KDM2B: variants seen among roughly 807,000 people sequenced by gnomAD.
The protein encoded by KDM2B is lysine demethylase 2B, also known as lysine-specific demethylase 2B.
Under a neutral mutation model 150.0 loss-of-function variants are expected in KDM2B, and 26 were observed. That is an observed-to-expected ratio of 0.17 (90% CI 0.13 to 0.24). KDM2B has a LOEUF of 0.24. KDM2B is among the 10% of genes least tolerant of loss of function. KDM2B has a pLI of 1.00. For missense variants in KDM2B, 1,265 were observed against 1,816.9 expected (o/e 0.70, Z 5.52); for synonymous variants, 734 against 729.5 (o/e 1.01, Z -0.10).
At chr12:121,570,402 T>G (rs1200183344) in intron 4 of KDM2B, among the ~76,000 whole-genome samples, 1 of 152,056 alleles carries the variant, frequency 6.6e-6, no homozygotes, top group Non-Finnish European at 1.5e-5. Flanking sequence ...CCCAGGCTGG[T>G]CTTGAACTCC....
chr12:121,436,070 A>C (rs1233837808), intron 22 of KDM2B, among the ~76,000 whole-genome samples: 1 of 152,246 alleles, frequency 6.6e-6, no homozygotes, highest in African/African-American at 2.4e-5. Context: ...GGCTCCAAGA[A>C]ACAACTGGCC....
chr12:121,568,715 T>C (rs1051627926), intron 4 of KDM2B, among the ~76,000 whole-genome samples: 20 of 152,134 alleles, frequency 1.3e-4, no homozygotes, highest in African/African-American at 4.1e-4. Context: ...CAGGGGATTC[T>C]GGGTACTGGT....
At chr12:121,416,124 T>C in the KDM2B span, 1 of 1,573,440 alleles carries the variant, frequency 6.4e-7, no homozygotes, top group East Asian at 2.2e-5. Context: ...AGATTCCACT[T>C]AGCTTTAAAC....
chr12:121,543,413 C>T (rs1421154746), intron 6 of KDM2B, among the ~76,000 whole-genome samples: 1 of 151,632 alleles, frequency 6.6e-6, no homozygotes, highest in Non-Finnish European at 1.5e-5. Flanking sequence ...CATGGTGGCT[C>T]ACACCCATAT....
rs968200261 is a variant in KDM2B, at chr12:121,526,625, T to C, written c.932-5525A>G. 2.0e-5 allele frequency among the ~76,000 whole-genome samples: 3 copies of C among 152,040 alleles called. No individual in the cohort carries two copies. In the South Asian group the frequency reaches 6.2e-4, roughly 32 times the overall value. On this transcript the variant is annotated intron_variant, in intron 8 of 22. Transcript: ENST00000377071. ...GTCCCAGCTACCCTAGAGGCTGTGA[T>C]AGGACGATTGTTTAAGCCCAGGAGG...
At chr12:121,427,898 A>C (rs1555284464), downstream of KDM2B, among the ~76,000 whole-genome samples, 1 of 152,198 alleles carries the variant, frequency 6.6e-6, no homozygotes, top group Non-Finnish European at 1.5e-5. Context: ...ACAATGATTA[A>C]CCTTAAAGCA....
chr12:121,440,044 G>A lies in KDM2B; in HGVS notation c.3642C>T (p.Asn1214=). The change falls in exon 22 of 23, where the codon AAC becomes AAT. Residue 1214 remains asparagine, a synonymous_variant. Transcript: ENST00000377071. ...GQMDNRSKLR[N]IVELRLAGLD... ...GGCCTGCCAGGCGCAGCTCCACGAT[G>A]TTCCGGAGCTTGCTCCGATTGTCCA... 1.2e-6 allele frequency: 2 copies of A among 1,611,706 alleles called. No individual in the cohort carries two copies. Among genetic ancestry groups the A allele is most frequent in the Non-Finnish European group, 8.5e-7 (1 of 1,179,122 alleles).
At chr12:121,564,948 C>A (rs537911721) in intron 4 of KDM2B, among the ~76,000 whole-genome samples, 1 of 152,116 alleles carries the variant, frequency 6.6e-6, no homozygotes. Flanking sequence ...CCTGCCTCAG[C>A]TGGATAGGAG....
chr12:121,516,597 C>T (rs1221617162), intron 9 of KDM2B: 34 of 1,244,146 alleles, frequency 2.7e-5, no homozygotes, highest in East Asian at 5.3e-5. Flanking sequence ...AGTTAACCAA[C>T]GTCAGTCCAA....
At chr12:121,558,058 G>A (rs1215277557) in intron 4 of KDM2B, among the ~76,000 whole-genome samples, 5 of 152,078 alleles carry the variant, frequency 3.3e-5, no homozygotes, top group Non-Finnish European at 1.5e-5. Flanking sequence ...CCTAAATACC[G>A]TATTTCTTGG....
chr12:121,420,602 T>A, the KDM2B span: 8 of 1,613,566 alleles, frequency 5.0e-6, no homozygotes, highest in East Asian at 8.9e-5. Context: ...AAGGAGAGAG[T>A]GAGAGCTTCA....
chr12:121,423,655 A>G, the KDM2B span: 1 of 1,215,712 alleles, frequency 8.2e-7, no homozygotes. This position sits in a 1 kb window ranked among gnomAD's most constrained non-coding sequence, Gnocchi z 4.3. Context: ...CTGGAAAGTT[A>G]TGTTCAAAGG....
chr12:121,526,471 G>A (rs1555306802), intron 8 of KDM2B, among the ~76,000 whole-genome samples: 1 of 152,150 alleles, frequency 6.6e-6, no homozygotes, highest in East Asian at 1.9e-4. Flanking sequence ...TTCAAAGTAG[G>A]TATATTTAGG....
At chr12:121,460,065 A>T (rs975519940) in intron 12 of KDM2B, among the ~76,000 whole-genome samples, 1 of 152,216 alleles carries the variant, frequency 6.6e-6, no homozygotes, top group East Asian at 1.9e-4. Flanking sequence ...AGCACATGAA[A>T]AGATGCTTAA....
the KDM2B span, among the ~76,000 whole-genome samples, chr12:121,412,209 G>T: frequency 7.2e-6 from 1 of 139,650 alleles, no homozygotes; most frequent in Admixed American, 7.3e-5. Context: ...CTACAGGCAC[G>T]TGCCACCATG....
chr12:121,426,426 G>A (rs1266644841), downstream of KDM2B, among the ~76,000 whole-genome samples: 1 of 150,342 alleles, frequency 6.7e-6, no homozygotes, highest in African/African-American at 2.5e-5. Context: ...TTTTAAACTG[G>A]CATGCCTTTC....
intron 12 of KDM2B, 93 bp downstream of exon 12, chr12:121,494,486 C>T: frequency 2.4e-6 from 2 of 848,588 alleles, no homozygotes; most frequent in Admixed American, 4.2e-5. Context: ...TCAGGAGGCC[C>T]CATAGCTACC....
In KDM2B at chr12:121,525,737, C is replaced by T. The variant is rs118072695; in HGVS notation, c.932-4637G>A. Among the ~76,000 whole-genome samples, 169 of 152,282 alleles carry T rather than the reference C, an allele frequency of 1.1e-3. 4 individuals are homozygous for T. The East Asian group carries it at 0.029, about 26-fold the overall frequency. On this transcript the variant is annotated intron_variant, in intron 8 of 22. Transcript: ENST00000377071. ...AGATGGATCGTCTGAGGCCCAACCA[C>T]GTGACACCATTAAGGAATTTCTTCT...
rs1448513837 is a variant in KDM2B, at chr12:121,513,009, G to T, written c.1174+267C>A. On this transcript the variant is annotated intron_variant, in intron 10 of 22. Coordinates refer to ENST00000377071, the MANE Select transcript of KDM2B (RefSeq NM_032590.5). The surrounding 1 kb of genome is among the most constrained non-coding windows in gnomAD (Gnocchi z 5.0). ...TGATCCCGTTTTAGCAGCCAAGCCCGGGGCGGCCCCAACCTGCATCTACAC... is the reference window on the plus strand; with the variant it reads ...TGATCCCGTTTTAGCAGCCAAGCCCTGGGCGGCCCCAACCTGCATCTACAC... 1.3e-5 allele frequency among the ~76,000 whole-genome samples: 2 copies of T among 151,872 alleles called. No homozygotes were observed. The highest frequency in any genetic ancestry group is 4.8e-5 in the African/African-American group (2 of 41,322).
Sources: allele counts gnomAD v4.1 joint callset (sites outside exome capture counted in the v4.1 genomes callset), GRCh38; gene constraint gnomAD v4.1.1; non-coding constraint Gnocchi (gnomAD v3.1); transcripts MANE v1.5; gene names NCBI Gene and HGNC (gene_info 2026-07-23, HGNC 2026-07-21).